USP54: variants seen among roughly 807,000 people sequenced by gnomAD.
USP54 encodes ubiquitin carboxyl-terminal hydrolase 54.
USP54 carries 87 observed loss-of-function variants against 170.5 expected under a neutral mutation model. That is an observed-to-expected ratio of 0.51 (90% confidence interval 0.43 to 0.61). The LOEUF is 0.61. USP54 is among the 20% of genes least tolerant of loss of function. The pLI, the probability that USP54 is intolerant of heterozygous loss-of-function variation, is 0.00. For missense variants in USP54, 1,786 were observed against 2,047.8 expected, an observed-to-expected ratio of 0.87 and a Z score of 2.47; for synonymous variants, 655 against 742.8, an observed-to-expected ratio of 0.88 and a Z score of 1.92.
chr10:73,505,478 T>A, intron 20 of USP54, 52 bp from the exon 21 acceptor site: 1 of 1,488,722 alleles, frequency 6.7e-7, no homozygotes, highest in Non-Finnish European at 9.3e-7. Flanking sequence ...CCCTAGGGCC[T>A]AACCTCTAAG....
chr10:73,538,519 A>G (rs2065801178), intron 10 of USP54: 1 of 152,188 alleles, frequency 6.6e-6, no homozygotes. Flanking sequence ...ATTATAGTTT[A>G]AAAAAACACT....
chr10:73,608,185 G>A (rs1179652192), intron 1 of USP54, among the ~76,000 whole-genome samples: 4 of 151,994 alleles, frequency 2.6e-5, no homozygotes, highest in Admixed American at 6.6e-5. Context: ...GCTTGAACCC[G>A]GGAGGCGGAG....
In USP54 at chr10:73,530,750, A is replaced by G. The variant is rs1017617820; in HGVS notation, c.1401T>C (p.Val467=). 4 of 1,614,138 alleles carry G rather than the reference A, an allele frequency of 2.5e-6. No individual in the cohort carries two copies. Among genetic ancestry groups the G allele is most frequent in the South Asian group, 1.1e-5 (1 of 91,078 alleles). ...LIERKRSSGR[V]RRKGDEPQAS... is the part of the protein sequence containing the mutation. ...CCTGGGGCTCATCGCCTTTCCTCCT[A>G]ACCCGACCAGAGCTCCTCTTGCGCT... Residue 467 remains valine, a synonymous_variant, in exon 13 of 24, where the codon GTT becomes GTC. Coordinates refer to ENST00000687698, the MANE Select transcript of USP54 (RefSeq NM_001391956.1).
chr10:73,580,554 C>T (rs1422352776), intron 1 of USP54, among the ~76,000 whole-genome samples: 1 of 151,312 alleles, frequency 6.6e-6, no homozygotes, highest in Non-Finnish European at 1.5e-5. Flanking sequence ...TATTGTGTTA[C>T]AATTGCTTAT....
intron 23 of USP54, 62 bp from the exon 24 acceptor site, chr10:73,499,250 G>A (rs1051741399): frequency 4.6e-5 from 70 of 1,510,308 alleles, no homozygotes; most frequent in Non-Finnish European, 1.2e-5. Flanking sequence ...CCTTCCCAGA[G>A]AGCCATGCCT....
intron 1 of USP54, among the ~76,000 whole-genome samples, chr10:73,622,235 C>G (rs2081149396): frequency 6.6e-6 from 1 of 152,080 alleles, no homozygotes; most frequent in South Asian, 2.1e-4. Flanking sequence ...AGATAATGTG[C>G]CTGGCACATT....
At chr10:73,546,889 T>C (rs1250615007) in intron 4 of USP54, among the ~76,000 whole-genome samples, 1 of 152,194 alleles carries the variant, frequency 6.6e-6, no homozygotes, top group Non-Finnish European at 1.5e-5. Context: ...CTTCTACCAA[T>C]ATATAGTAAA....
intron 4 of USP54, among the ~76,000 whole-genome samples, chr10:73,547,978 T>C (rs112409879): frequency 0.056 from 8,476 of 151,634 alleles, 719 homozygotes; most frequent in African/African-American, 0.19. Flanking sequence ...TTGCAATCTA[T>C]CCATGTGACA....
intron 16 of USP54, among the ~76,000 whole-genome samples, chr10:73,524,832 G>A (rs1039852910): frequency 1.3e-5 from 2 of 152,144 alleles, no homozygotes; most frequent in Non-Finnish European, 2.9e-5. Context: ...GGGAAATAAT[G>A]GAGCTAAATT....
intron 20 of USP54, chr10:73,506,894 A>G (rs1336711570): frequency 2.6e-5 from 4 of 152,214 alleles, no homozygotes; most frequent in African/African-American, 4.8e-5. Flanking sequence ...TGAGAAGAAG[A>G]AGAAAAAAAT....
chr10:73,564,253 G>A (rs1478074917), intron 4 of USP54, among the ~76,000 whole-genome samples: 1 of 152,116 alleles, frequency 6.6e-6, no homozygotes, highest in Non-Finnish European at 1.5e-5. Flanking sequence ...CTCCCACCTT[G>A]GCCTCCCAGA....
chr10:73,507,832 GA>G (rs2059443693), intron 20 of USP54, among the ~76,000 whole-genome samples: 1 of 151,520 alleles, frequency 6.6e-6, no homozygotes, highest in South Asian at 2.1e-4. Context: ...TAAAAAAAGA[GA>G]AAAAAAGCAT....
chr10:73,613,101 G>A (rs1018333137), intron 1 of USP54, among the ~76,000 whole-genome samples: 1 of 150,772 alleles, frequency 6.6e-6, no homozygotes, highest in Non-Finnish European at 1.5e-5. Flanking sequence ...AGGCTGTAGT[G>A]AGTGGTGACC....
chr10:73,568,251 C>A lies in USP54; in HGVS notation c.240+3170G>T, dbSNP rs191004714. 1.8e-4 allele frequency among the ~76,000 whole-genome samples: 27 copies of A among 152,182 alleles called. 1 individual carries two copies. The highest frequency in any genetic ancestry group is 1.7e-3 in the Admixed American group (26 of 15,260). On this transcript the variant is annotated intron_variant, in intron 4 of 23. Transcript: ENST00000687698. ...TTAAAGTGGGGAACAAAAGAGACAT[C>A]GTACAGGAGGACCCAGGTGCTGATG... is the stretch of plus-strand genomic sequence containing the variant.
chr10:73,602,227 A>T (rs567640751), intron 1 of USP54, among the ~76,000 whole-genome samples: 1 of 152,268 alleles, frequency 6.6e-6, no homozygotes, highest in African/African-American at 2.4e-5. Context: ...AGTAATCCTA[A>T]TACAGAGATA....
In USP54 at chr10:73,603,179, G is replaced by A. The variant is rs111864960; in HGVS notation, c.-18+22388C>T. On this transcript the variant is annotated intron_variant, in intron 1 of 22. Coordinates refer to the USP54 transcript ENST00000339859. Reference sequence around the variant, plus strand: ...TCAAATTCATTAGTGGTTACCTTTGGTGAGGGACTTGTAATCAATAAGGGG... The same window carrying A: ...TCAAATTCATTAGTGGTTACCTTTGATGAGGGACTTGTAATCAATAAGGGG... Among the ~76,000 whole-genome samples the A allele has an allele frequency of 1.7e-3, 258 of 152,238 alleles. 1 individual carries two copies. The highest frequency in any genetic ancestry group is 2.9e-3 in the Non-Finnish European group (194 of 68,028).
intron 19 of USP54, chr10:73,518,331 T>C: frequency 1.3e-6 from 1 of 750,996 alleles, no homozygotes; most frequent in Non-Finnish European, 1.6e-6. Context: ...TATTAGTCAC[T>C]GAGATGTTTC....
chr10:73,499,436 C>T (rs1013234216), intron 23 of USP54, among the ~76,000 whole-genome samples: 9 of 152,134 alleles, frequency 5.9e-5, no homozygotes, highest in Admixed American at 4.6e-4. Flanking sequence ...CCTCTACCTC[C>T]CTCCACTATA....
At chr10:73,508,340 G>A (rs1054578804) in intron 20 of USP54, among the ~76,000 whole-genome samples, 1 of 151,010 alleles carries the variant, frequency 6.6e-6, no homozygotes. Context: ...ATGGGAGGCA[G>A]AGGTTGCAAT....
Sources: gnomAD v4.1 joint callset for allele counts (sites outside exome capture counted in the v4.1 genomes callset) on GRCh38, gnomAD v4.1.1 for gene constraint, MANE v1.5 for transcripts, NCBI Gene and HGNC (gene_info 2026-07-23, HGNC 2026-07-21) for gene names.